Variants in CAST observed in about 807,000 individuals in gnomAD.
CAST encodes the protein MIR583 host.
Under a neutral mutation model 119.6 loss-of-function variants are expected in CAST, and 76 were observed. The ratio of observed to expected loss-of-function variants is 0.64; its 90% CI spans 0.53 to 0.77. CAST has a LOEUF of 0.77. CAST is among the 30% of genes least tolerant of loss of function. The pLI is 0.00. For synonymous variants in CAST, 319 were observed against 331.6 expected (o/e 0.96, Z 0.41); for missense variants, 953 against 946.5 (o/e 1.01, Z -0.09).
At chr5:96,276,852 G>A in the CAST span, among the ~76,000 whole-genome samples, 2 of 152,096 alleles carry the variant, frequency 1.3e-5, no homozygotes, top group African/African-American at 2.4e-5. Context: ...GCATTTTTAT[G>A]AAGGTTTTCA....
At chr5:96,079,368 C>A in the CAST span, among the ~76,000 whole-genome samples, 1 of 152,110 alleles carries the variant, frequency 6.6e-6, no homozygotes, top group African/African-American at 2.4e-5. Flanking sequence ...GAAGGCTAGT[C>A]TTTTTAAAGA....
At chr5:96,384,748 G>C in the CAST span, among the ~76,000 whole-genome samples, 1 of 152,186 alleles carries the variant, frequency 6.6e-6, no homozygotes, top group Non-Finnish European at 1.5e-5. Context: ...GTCTTTCCAA[G>C]TGAGCCGAGA....
At chr5:96,669,737 A>C (rs1000294158) in intron 1 of CAST, among the ~76,000 whole-genome samples, 1 of 152,190 alleles carries the variant, frequency 6.6e-6, no homozygotes, top group Non-Finnish European at 1.5e-5. Context: ...GAGCCACCCC[A>C]GTCTGCCTGA....
At chr5:96,663,666 G>A (rs1464639513) in intron 1 of CAST, among the ~76,000 whole-genome samples, 1 of 152,180 alleles carries the variant, frequency 6.6e-6, no homozygotes, top group Admixed American at 6.5e-5. Context: ...ACATCAAGGG[G>A]CAGAAGCAAC....
chr5:96,329,302 G>A, the CAST span, among the ~76,000 whole-genome samples: 61 of 152,290 alleles, frequency 4.0e-4, no homozygotes, highest in African/African-American at 1.3e-3. Flanking sequence ...TAAAATGTCA[G>A]CATATTACTT....
At chr5:96,124,478 ACT>A in the CAST span, among the ~76,000 whole-genome samples, 1 of 152,036 alleles carries the variant, frequency 6.6e-6, no homozygotes. Flanking sequence ...TTCTTTTTAA[ACT>A]CTGTGATTTT....
chr5:96,275,015 G>A, the CAST span, among the ~76,000 whole-genome samples: 11 of 152,210 alleles, frequency 7.2e-5, no homozygotes, highest in Non-Finnish European at 1.5e-4. Context: ...GGGGAGATGA[G>A]GATCTGTTTG....
chr5:96,008,978 A>G, the CAST span, among the ~76,000 whole-genome samples: 3 of 152,238 alleles, frequency 2.0e-5, no homozygotes, highest in Admixed American at 2.0e-4. Context: ...CCCCGCCTCT[A>G]TCAGTCGACA....
At chr5:96,635,741 C>T (rs144204022) in intron 1 of CAST, among the ~76,000 whole-genome samples, 2 of 152,312 alleles carry the variant, frequency 1.3e-5, no homozygotes, top group African/African-American at 4.8e-5. Flanking sequence ...TGAGCTATTG[C>T]CATTCAGTTG....
intron 1 of CAST, among the ~76,000 whole-genome samples, chr5:96,609,072 G>A (rs261206): frequency 0.35 from 52,557 of 152,054 alleles, 10,383 homozygotes; most frequent in Admixed American, 0.44. Flanking sequence ...CCCAGAAACA[G>A]CCTGTCCAGC....
At chr5:96,425,012 G>GA in the CAST span, among the ~76,000 whole-genome samples, 1 of 19,740 alleles carries the variant, frequency 5.1e-5, no homozygotes, top group African/African-American at 1.7e-4. Context: ...AGAAAGAAAA[G>GA]AAAGAAAGAA....
the CAST span, among the ~76,000 whole-genome samples, chr5:96,276,101 G>A: frequency 6.6e-6 from 1 of 152,218 alleles, no homozygotes; most frequent in East Asian, 1.9e-4. Context: ...TCTCCCAGTG[G>A]TTGCTGGTAG....
rs890229360 is a variant in CAST at position 96,555,823 on chromosome 5, A to G, written c.60+25943A>G. On this transcript the variant is annotated intron_variant, in intron 1 of 11. Transcript: ENST00000505143. Reference sequence around the variant, plus strand: ...GGCAGGGCATAGCCAAACAAAAGGCAGCAGAAACCTCTGCAGACTTAAATG... The same window carrying G: ...GGCAGGGCATAGCCAAACAAAAGGCGGCAGAAACCTCTGCAGACTTAAATG... Among the ~76,000 whole-genome samples, 3 of 152,224 alleles carry G rather than the reference A, an allele frequency of 2.0e-5. No homozygotes were observed. In the South Asian group the frequency reaches 6.2e-4, roughly 31 times the overall value.
chr5:96,716,167 A>G (rs1757150503), intron 3 of CAST, among the ~76,000 whole-genome samples: 1 of 152,214 alleles, frequency 6.6e-6, no homozygotes. Context: ...ATAGACCTAT[A>G]AAAGGTGTTT....
chr5:95,984,914 A>G, the CAST span, among the ~76,000 whole-genome samples: 2 of 152,156 alleles, frequency 1.3e-5, no homozygotes, highest in African/African-American at 2.4e-5. Context: ...TTCATAAAAT[A>G]TTAATGCTTT....
At chr5:96,645,182 G>A (rs1041335961) in intron 1 of CAST, among the ~76,000 whole-genome samples, 19 of 152,188 alleles carry the variant, frequency 1.2e-4, no homozygotes, top group African/African-American at 4.3e-4. Flanking sequence ...AGTACATCTA[G>A]TATTTTGTAA....
chr5:96,426,703 A>G, the CAST span, among the ~76,000 whole-genome samples: 2 of 152,168 alleles, frequency 1.3e-5, no homozygotes, highest in African/African-American at 4.8e-5. Context: ...TCTTGGCAAT[A>G]TGACTATTTC....
At chr5:96,391,154 G>A in the CAST span, 1 of 152,226 alleles carries the variant, frequency 6.6e-6, no homozygotes, top group Non-Finnish European at 1.5e-5. Flanking sequence ...AGGACAGAGT[G>A]ATTCCGCAAG....
chr5:96,398,897 T>C, the CAST span: 1 of 1,613,652 alleles, frequency 6.2e-7, no homozygotes, highest in Non-Finnish European at 8.5e-7. Flanking sequence ...GAAGTAAGTG[T>C]GACATGAAGG....
Sources: allele counts gnomAD v4.1 joint callset (sites outside exome capture counted in the v4.1 genomes callset), GRCh38; gene constraint gnomAD v4.1.1; transcripts MANE v1.5; gene names NCBI Gene and HGNC (gene_info 2026-07-23, HGNC 2026-07-21).